The following FBXO36 variants were observed in gnomAD, a reference collection of about 807,000 sequenced individuals.
The protein encoded by FBXO36 is F-box only protein 36.
FBXO36 carries 18 observed loss-of-function variants against 17.0 expected under a neutral mutation model. That is an observed-to-expected ratio of 1.06 (90% CI 0.73 to 1.57). The LOEUF (loss-of-function observed/expected upper bound fraction) is 1.57. Among genes scored for constraint, FBXO36 ranks in the 40% most tolerant of loss-of-function variants. The pLI is 0.00. For synonymous variants in FBXO36, 83 were observed against 85.3 expected (o/e 0.97, Z 0.15); for missense variants, 229 against 221.9 (o/e 1.03, Z -0.20).
chr2:229,981,370 T>C (rs1381208931), intron 2 of FBXO36, among the ~76,000 whole-genome samples: 1 of 151,884 alleles, frequency 6.6e-6, no homozygotes, highest in Non-Finnish European at 1.5e-5. Flanking sequence ...ACAAAATACC[T>C]GATATATGAA....
chr2:230,010,648 G>A, intron 3 of FBXO36, 48 bp from the exon 4 acceptor site: 1 of 1,527,240 alleles, frequency 6.5e-7, no homozygotes, highest in Non-Finnish European at 8.9e-7. Context: ...TTGATAATGA[G>A]TTAACACATG....
At chr2:229,929,849 A>T (rs889155852) in intron 1 of FBXO36, among the ~76,000 whole-genome samples, 3 of 152,182 alleles carry the variant, frequency 2.0e-5, no homozygotes, top group Admixed American at 6.5e-5. Context: ...ACAGAGTAAG[A>T]CTTTGTCTCA....
intron 1 of FBXO36, among the ~76,000 whole-genome samples, chr2:229,930,105 T>G (rs1249523530): frequency 1.3e-5 from 2 of 152,134 alleles, no homozygotes; most frequent in African/African-American, 4.8e-5. Context: ...CCTAGCACGT[T>G]GGGAGACCTA....
chr2:229,997,402 A>T (rs2077332901), intron 3 of FBXO36, among the ~76,000 whole-genome samples: 1 of 151,652 alleles, frequency 6.6e-6, no homozygotes, highest in Admixed American at 6.6e-5. Flanking sequence ...ACATGGGGAA[A>T]CCCCATCTCT....
chr2:229,983,637 C>T (rs1398341358), intron 2 of FBXO36, among the ~76,000 whole-genome samples: 1 of 152,114 alleles, frequency 6.6e-6, no homozygotes, highest in Non-Finnish European at 1.5e-5. Context: ...TCAAAACTGT[C>T]ATGTTTATTA....
At chr2:229,975,369 G>C (rs2077201998) in intron 1 of FBXO36, among the ~76,000 whole-genome samples, 1 of 152,042 alleles carries the variant, frequency 6.6e-6, no homozygotes, top group Admixed American at 6.6e-5. Flanking sequence ...AATTTCTTTG[G>C]AATTAGCTCC....
chr2:229,996,747 A>G lies in FBXO36; in HGVS notation c.206-4A>G. On this transcript the variant is annotated splice_region_variant and splice_polypyrimidine_tract_variant and intron_variant, in intron 2 of 3. Coordinates refer to ENST00000283946, the MANE Select transcript of FBXO36 (RefSeq NM_174899.5). Reference sequence around the variant, plus strand: ...ATAACCATGTTGGCTTCTTTGAATTACAGGTCAAACTGCCTTAATATTTGG... The same window carrying G: ...ATAACCATGTTGGCTTCTTTGAATTGCAGGTCAAACTGCCTTAATATTTGG... 6.2e-7 allele frequency: 1 copy of G among 1,602,576 alleles called. No individual in the cohort carries two copies. Among genetic ancestry groups the G allele is most frequent in the African/African-American group, 1.3e-5 (1 of 74,656 alleles).
chr2:229,937,096 G>C (rs1462032846), intron 1 of FBXO36, among the ~76,000 whole-genome samples: 1 of 152,018 alleles, frequency 6.6e-6, no homozygotes, highest in African/African-American at 2.4e-5. Context: ...ATATAGCCCA[G>C]AAAGAAAACA....
chr2:229,933,722 G>C (rs2076950553), intron 1 of FBXO36, among the ~76,000 whole-genome samples: 1 of 152,098 alleles, frequency 6.6e-6, no homozygotes, highest in Admixed American at 6.5e-5. Context: ...GTCTTGCTCT[G>C]TCGCCCAGGC....
intron 1 of FBXO36, among the ~76,000 whole-genome samples, chr2:229,930,327 T>G (rs374809832): frequency 6.6e-6 from 1 of 152,156 alleles, no homozygotes; most frequent in Admixed American, 6.5e-5. Context: ...CTGAACAGAA[T>G]GAGACCCTGT....
At chr2:229,944,707 T>C (rs919916797) in intron 1 of FBXO36, among the ~76,000 whole-genome samples, 8 of 151,726 alleles carry the variant, frequency 5.3e-5, no homozygotes, top group East Asian at 3.9e-4. Context: ...ATTCTCCTGC[T>C]TCAGCCTCCC....
intron 1 of FBXO36, among the ~76,000 whole-genome samples, chr2:229,966,887 C>T (rs1336793959): frequency 6.6e-6 from 1 of 152,110 alleles, no homozygotes; most frequent in Admixed American, 6.6e-5. Flanking sequence ...TCCATATGAA[C>T]TTTAAAGTAG....
chr2:229,980,887 C>T (rs985201101), intron 2 of FBXO36, among the ~76,000 whole-genome samples: 2 of 152,064 alleles, frequency 1.3e-5, no homozygotes, highest in African/African-American at 2.4e-5. Context: ...CACTGTGATA[C>T]CAAATTAAAT....
At chr2:230,001,318 C>T (rs532560867) in intron 3 of FBXO36, among the ~76,000 whole-genome samples, 6 of 151,806 alleles carry the variant, frequency 4.0e-5, no homozygotes, top group African/African-American at 7.2e-5. Context: ...GACAGAGTCT[C>T]GCTCTGTTGC....
At chr2:229,956,301 T>C (rs978710306) in intron 1 of FBXO36, among the ~76,000 whole-genome samples, 5 of 152,224 alleles carry the variant, frequency 3.3e-5, no homozygotes, top group African/African-American at 4.8e-5. Context: ...TGTCCTGCCA[T>C]GGTCTTTTCT....
chr2:229,987,402 A>G (rs2077274595), intron 2 of FBXO36, among the ~76,000 whole-genome samples: 1 of 151,730 alleles, frequency 6.6e-6, no homozygotes, highest in South Asian at 2.1e-4. Flanking sequence ...GGTAATTTAC[A>G]TTTTCTCTAA....
At chr2:229,989,244 T>C (rs2077286039) in intron 2 of FBXO36, among the ~76,000 whole-genome samples, 1 of 152,118 alleles carries the variant, frequency 6.6e-6, no homozygotes, top group African/African-American at 2.4e-5. Flanking sequence ...CTGATCATGA[T>C]GTATTTTTAT....
rs192605687 is a variant in FBXO36, at chr2:229,982,840, G to C, written c.205+6491G>C. On this transcript the variant is annotated intron_variant, in intron 2 of 3. Coordinates refer to ENST00000283946, the MANE Select transcript of FBXO36 (RefSeq NM_174899.5). ...TCACATCTGCACAGTTACTTTTGCC[G>C]TGTGAGGTCCCATATTCACAGGGTC... Among the ~76,000 whole-genome samples, 5 of 151,010 alleles carry C rather than the reference G, an allele frequency of 3.3e-5. No individual in the cohort carries two copies. In the South Asian group the frequency reaches 1.0e-3, roughly 32 times the overall value.
At chr2:229,922,757 C>T (rs2076786508) in intron 1 of FBXO36, 148 bp downstream of exon 1, 5 of 737,804 alleles carry the variant, frequency 6.8e-6, no homozygotes, top group Non-Finnish European at 1.1e-5. Flanking sequence ...TTCCTCGTCA[C>T]CTCGGCCTCC....
Sources: gnomAD v4.1 joint callset for allele counts (sites outside exome capture counted in the v4.1 genomes callset) on GRCh38, gnomAD v4.1.1 for gene constraint, MANE v1.5 for transcripts, NCBI Gene and HGNC (gene_info 2026-07-23, HGNC 2026-07-21) for gene names.